Variants in AGPAT3 observed in about 807,000 individuals in gnomAD.
AGPAT3 encodes the protein 1-acyl-sn-glycerol-3-phosphate acyltransferase gamma.
A neutral mutation model predicts 47.3 loss-of-function variants in AGPAT3; 5 were observed. The observed-to-expected ratio is 0.11, with a 90% CI of 0.06 to 0.22. The LOEUF is 0.22. AGPAT3 is among the 10% of genes least tolerant of loss of function. The pLI, the probability that AGPAT3 is intolerant of heterozygous loss-of-function variation, is 1.00. For missense variants in AGPAT3, 315 were observed against 493.0 expected (o/e 0.64, Z 3.42); for synonymous variants, 212 against 208.3 (o/e 1.02, Z -0.15).
In AGPAT3 at chr21:43,929,461, G is replaced by A. The variant is rs117735720; in HGVS notation, c.-49+25442G>A. Among the ~76,000 whole-genome samples, 22 of 152,308 alleles carry A rather than the reference G, an allele frequency of 1.4e-4. No individual in the cohort carries two copies. The East Asian group carries it at 4.2e-3, about 29-fold the overall frequency. On this transcript the variant is annotated intron_variant, in intron 2 of 9. Transcript: ENST00000291572. ...GAGTCAAAGCCAGGAGCCTTCCCAC[G>A]GTGGGACTTCTATTTTTATGTGTGT...
At chr21:43,906,517 T>C (rs62228754) in intron 2 of AGPAT3, among the ~76,000 whole-genome samples, 16,161 of 152,198 alleles carry the variant, frequency 0.11, 1,658 homozygotes, top group African/African-American at 0.27. Flanking sequence ...AGTCAGCAGA[T>C]TGGCTAAAAC....
chr21:43,981,301 T>C lies in AGPAT3; in HGVS notation c.1042+114T>C. 8.6e-7 allele frequency: 1 copy of C among 1,160,004 alleles called. No homozygotes were observed. The highest frequency in any genetic ancestry group is 1.3e-6 in the Non-Finnish European group (1 of 794,532). 71.9% of individuals were successfully genotyped at this position (1,160,004 alleles called of 1,614,324 possible). On this transcript the variant is annotated intron_variant, in intron 9 of 9. Coordinates refer to ENST00000291572, the MANE Select transcript of AGPAT3 (RefSeq NM_020132.5). The surrounding 1 kb of genome is among the most constrained non-coding windows in gnomAD (Gnocchi z 5.3). ...GCTGTGGGAGGCAGGGGCCTGGCTGTTATGGACCCTGGAGCCAGGATCCCC... is the reference window on the plus strand; with the variant it reads ...GCTGTGGGAGGCAGGGGCCTGGCTGCTATGGACCCTGGAGCCAGGATCCCC...
Position 43,917,009 on chromosome 21 carries a change from C to T in AGPAT3, c.-49+12990C>T, listed in dbSNP as rs61592320. On this transcript the variant is annotated intron_variant, in intron 2 of 9. Transcript: ENST00000291572. Reference sequence around the variant, plus strand: ...TCTGTTGCTTCTCTAGGAACAGTGACGGTGGCAGAGCCCGTGGCCCCTCTC... The same window carrying T: ...TCTGTTGCTTCTCTAGGAACAGTGATGGTGGCAGAGCCCGTGGCCCCTCTC... Among the ~76,000 whole-genome samples the T allele has an allele frequency of 1.8e-3, 281 of 152,190 alleles. 5 individuals carry two copies. In the East Asian group the frequency reaches 0.048, roughly 26 times the overall value.
rs1295409473 is a variant in AGPAT3, at chr21:43,968,039, T to A, written c.272T>A (p.Val91Asp). The A allele has an allele frequency of 6.2e-7, 1 of 1,613,852 alleles. No individual in the cohort carries two copies. Among genetic ancestry groups the A allele is most frequent in the Non-Finnish European group, 8.5e-7 (1 of 1,179,960 alleles). ...GAGCGCTTTGGGAAGGAGCACGCAGTCATCATCCTCAACCACAACTTCGAG... is the reference window on the plus strand; with the variant it reads ...GAGCGCTTTGGGAAGGAGCACGCAGACATCATCCTCAACCACAACTTCGAG... ...TVERFGKEHA[V>D]IILNHNFEID... is the part of the protein sequence containing the mutation. Residue 91 changes from valine to aspartate, a missense_variant, in exon 4 of 10, where the codon GTC becomes GAC. Transcript: ENST00000291572.
intron 2 of AGPAT3, among the ~76,000 whole-genome samples, chr21:43,931,699 C>T (rs952989288): frequency 4.6e-5 from 7 of 152,264 alleles, no homozygotes; most frequent in African/African-American, 1.2e-4. Flanking sequence ...CCGGCACTGT[C>T]GTCAGTATTC....
In AGPAT3 at chr21:43,930,683, C is replaced by A. The variant is rs2087211713; in HGVS notation, c.-49+26664C>A. 6.6e-6 allele frequency among the ~76,000 whole-genome samples: 1 copy of A among 152,052 alleles called. No individual in the cohort carries two copies. ...AAGGCGGGGATGAGGTGGGGGTGCA[C>A]ACCTGGGCTGAGGGGAGCAGAGGGA... On this transcript the variant is annotated intron_variant, in intron 2 of 9. Transcript: ENST00000291572. The surrounding 1 kb of genome is among the most constrained non-coding windows in gnomAD (Gnocchi z 5.0).
intron 2 of AGPAT3, among the ~76,000 whole-genome samples, chr21:43,918,234 G>GTGGGTGTTGCGGCGGTTGTGGGTGTTA (rs2086801641): frequency 1.3e-5 from 2 of 151,938 alleles, no homozygotes; most frequent in Non-Finnish European, 2.9e-5. Flanking sequence ...TGTGGGTGTT[G>GTGGGTGTTGCGGCGGTTGTGGGTGTTA]TGGGTGTTGT....
At chr21:43,899,808 A>G (rs1470494276) in intron 1 of AGPAT3, among the ~76,000 whole-genome samples, 1 of 152,166 alleles carries the variant, frequency 6.6e-6, no homozygotes, top group East Asian at 1.9e-4. Context: ...GGGAGAACCC[A>G]TGACTGGGAG....
chr21:43,903,298 G>A (rs57364828), intron 1 of AGPAT3, among the ~76,000 whole-genome samples: 2,337 of 152,236 alleles, frequency 0.015, 62 homozygotes, highest in African/African-American at 0.054. Flanking sequence ...TTTCTGCTTG[G>A]GAAGATGAGA....
rs919953343 is a variant in AGPAT3 at position 43,880,044 on chromosome 21, G to C, written c.-112+14699G>C. Among the ~76,000 whole-genome samples the C allele has an allele frequency of 6.6e-6, 1 of 152,218 alleles. No individual in the cohort carries two copies. Among genetic ancestry groups the C allele is most frequent in the Non-Finnish European group, 1.5e-5 (1 of 68,024 alleles). ...AAGAACAGGGCAGCATGACTCCGGG[G>C]CGGAGGACGCAGCCCTGCATCCCTT... On this transcript the variant is annotated intron_variant, in intron 1 of 9. Coordinates refer to ENST00000291572, the MANE Select transcript of AGPAT3 (RefSeq NM_020132.5). The surrounding 1 kb of genome is among the most constrained non-coding windows in gnomAD (Gnocchi z 4.5).
intron 7 of AGPAT3, among the ~76,000 whole-genome samples, chr21:43,974,355 T>C (rs1001441798): frequency 5.3e-5 from 8 of 151,728 alleles, no homozygotes; most frequent in East Asian, 1.9e-4. Context: ...ATAAATTACA[T>C]ATGTGTATGG....
At chr21:43,882,075 A>G (rs2085865554) in intron 1 of AGPAT3, among the ~76,000 whole-genome samples, 3 of 152,260 alleles carry the variant, frequency 2.0e-5, no homozygotes, top group Admixed American at 2.0e-4. Context: ...GGCGTGGTCC[A>G]GGGTCTAAGC....
intron 2 of AGPAT3, among the ~76,000 whole-genome samples, chr21:43,924,288 G>A (rs1482364213): frequency 6.6e-6 from 1 of 151,826 alleles, no homozygotes; most frequent in Non-Finnish European, 1.5e-5. Flanking sequence ...GCCTCCCAAA[G>A]TGCTGGGATT....
chr21:43,917,945 T>C (rs1601301364), intron 2 of AGPAT3, among the ~76,000 whole-genome samples: 1 of 42,378 alleles, frequency 2.4e-5, no homozygotes, highest in Non-Finnish European at 4.0e-5. Context: ...GTGGGTGTTG[T>C]GGGGGTTGTA....
chr21:43,926,987 A>AT, intron 2 of AGPAT3, among the ~76,000 whole-genome samples: 1 of 150,556 alleles, frequency 6.6e-6, no homozygotes, highest in East Asian at 2.0e-4. Context: ...TCAAAAAAAA[A>AT]AAAAAAAAAA....
At chr21:43,867,555 G>A (rs916256397) in intron 1 of AGPAT3, 1 of 152,294 alleles carries the variant, frequency 6.6e-6, no homozygotes, top group Admixed American at 6.5e-5. Flanking sequence ...GCACTGAAGA[G>A]CCAGTGCAGG....
At position 43,934,890 on chromosome 21, in the gene AGPAT3, ACATGCCACC is replaced by A. The variant is rs1406973874; in HGVS notation, c.-48-24732_-48-24724del. The stretch of plus-strand genomic sequence containing the variant: ...CATTGACACGCCACCCACGCCACTC[ACATGCCACC>A]CATGCCACCCACACCACCTCTGCCC... On this transcript the variant is annotated intron_variant, in intron 2 of 9. Transcript: ENST00000291572. This position sits in a 1 kb window ranked among gnomAD's most constrained non-coding sequence, Gnocchi z 4.7. 2.0e-5 allele frequency among the ~76,000 whole-genome samples: 3 copies of A among 147,226 alleles called. No homozygotes were observed. The highest frequency in any genetic ancestry group is 2.2e-4 in the South Asian group (1 of 4,618).
rs116945776 is a variant in AGPAT3, at chr21:43,878,620, G to T, written c.-112+13275G>T. Among the ~76,000 whole-genome samples the T allele has an allele frequency of 2.8e-4, 43 of 152,340 alleles. No homozygotes were observed. The East Asian group carries it at 8.3e-3, about 29-fold the overall frequency. Reference sequence around the variant, plus strand: ...GGGTCTTGCCATTTCAAAGACGTTAGACACGTTGTTGCTGATTTACCCTCT... The same window carrying T: ...GGGTCTTGCCATTTCAAAGACGTTATACACGTTGTTGCTGATTTACCCTCT... On this transcript the variant is annotated intron_variant, in intron 1 of 9. Coordinates refer to ENST00000291572, the MANE Select transcript of AGPAT3 (RefSeq NM_020132.5).
rs555080790 is a variant in AGPAT3 at position 43,928,279 on chromosome 21, G to A, written c.-49+24260G>A. Among the ~76,000 whole-genome samples the A allele has an allele frequency of 3.9e-5, 6 of 152,218 alleles. No homozygotes were observed. The South Asian group carries it at 6.2e-4, about 16-fold the overall frequency. On this transcript the variant is annotated intron_variant, in intron 2 of 9. Coordinates refer to ENST00000291572, the MANE Select transcript of AGPAT3 (RefSeq NM_020132.5). ...GCAGGTGTACCCCTGCCCTGAGTTC[G>A]ACACGGCCACTGTTTTGAAAATGCC...
Sources: allele counts gnomAD v4.1 joint callset (sites outside exome capture counted in the v4.1 genomes callset), GRCh38; gene constraint gnomAD v4.1.1; non-coding constraint Gnocchi (gnomAD v3.1); transcripts MANE v1.5; gene names NCBI Gene and HGNC (gene_info 2026-07-23, HGNC 2026-07-21).